NEURL1: variants seen among roughly 807,000 people sequenced by gnomAD.
NEURL1 encodes the protein neuralized E3 ubiquitin protein ligase 1, also known as E3 ubiquitin-protein ligase NEURL1.
A neutral mutation model predicts 41.2 loss-of-function variants in NEURL1; 26 were observed. The ratio of observed to expected loss-of-function variants is 0.63; its 90% CI spans 0.46 to 0.87. NEURL1 has a LOEUF of 0.87. NEURL1 is among the 40% of genes least tolerant of loss of function. The pLI is 0.00. For synonymous variants in NEURL1, 400 were observed against 402.3 expected (o/e 0.99, Z 0.07); for missense variants, 761 against 871.1 (o/e 0.87, Z 1.59).
At chr10:103,503,663 C>T (rs1487246335) in intron 1 of NEURL1, among the ~76,000 whole-genome samples, 1 of 152,084 alleles carries the variant, frequency 6.6e-6, no homozygotes, top group Non-Finnish European at 1.5e-5. Context: ...TGAGTGCTCA[C>T]CACTTCCAGC....
intron 1 of NEURL1, among the ~76,000 whole-genome samples, chr10:103,547,211 C>A (rs1394107561): frequency 6.6e-6 from 1 of 152,212 alleles, no homozygotes; most frequent in Non-Finnish European, 1.5e-5. Flanking sequence ...GACTCTGGAG[C>A]CTACTCTTAA....
chr10:103,578,095 G>A (rs759682788), intron 3 of NEURL1, among the ~76,000 whole-genome samples: 12 of 152,102 alleles, frequency 7.9e-5, no homozygotes, highest in Non-Finnish European at 1.8e-4. Context: ...AGATGCAGGA[G>A]ACCCACTGAA....
chr10:103,528,970 T>A (rs1196706496), intron 1 of NEURL1, among the ~76,000 whole-genome samples: 1 of 152,216 alleles, frequency 6.6e-6, no homozygotes, highest in African/African-American at 2.4e-5. Flanking sequence ...TTTCTCTTGT[T>A]TCTTCTGAGC....
At chr10:103,529,341 C>G (rs1390007365) in intron 1 of NEURL1, among the ~76,000 whole-genome samples, 1 of 152,128 alleles carries the variant, frequency 6.6e-6, no homozygotes, top group African/African-American at 2.4e-5. Context: ...CTGCAAATAC[C>G]TGTATGAGCT....
intron 3 of NEURL1, among the ~76,000 whole-genome samples, chr10:103,573,103 A>G (rs1248644790): frequency 6.6e-6 from 1 of 152,154 alleles, no homozygotes; most frequent in Non-Finnish European, 1.5e-5. Context: ...AATGAGTCAG[A>G]AGCCTGTTTG....
At chr10:103,574,132 C>T (rs2035607875) in intron 3 of NEURL1, among the ~76,000 whole-genome samples, 1 of 152,002 alleles carries the variant, frequency 6.6e-6, no homozygotes, top group African/African-American at 2.4e-5. Flanking sequence ...AGGGCAGATG[C>T]GTTGTTAGAT....
chr10:103,511,471 G>A (rs1273370449), intron 1 of NEURL1, among the ~76,000 whole-genome samples: 1 of 152,238 alleles, frequency 6.6e-6, no homozygotes, highest in Admixed American at 6.5e-5. Context: ...AAGGTAGGCA[G>A]GATAGAATGC....
rs1160134768 is a variant in NEURL1, at chr10:103,528,714, A to G, written c.85+34242A>G. Among the ~76,000 whole-genome samples the G allele has an allele frequency of 6.6e-5, 10 of 152,246 alleles. No homozygotes were observed. The East Asian group carries it at 1.9e-3, about 29-fold the overall frequency. On this transcript the variant is annotated intron_variant, in intron 1 of 5. Coordinates refer to ENST00000369780, the MANE Select transcript of NEURL1 (RefSeq NM_004210.5). ...GTACAACAGCAATATGTTTCACAACAGTAAATCAATATAAGTAAAAGCATT... is the reference window on the plus strand; with the variant it reads ...GTACAACAGCAATATGTTTCACAACGGTAAATCAATATAAGTAAAAGCATT...
intron 1 of NEURL1, among the ~76,000 whole-genome samples, chr10:103,551,333 C>T (rs1043708687): frequency 2.0e-4 from 27 of 134,006 alleles, no homozygotes; most frequent in Admixed American, 1.4e-3. Context: ...GATGGAGTCT[C>T]GCTCTGTCGC....
chr10:103,585,883 C>T (rs937986553), intron 4 of NEURL1, among the ~76,000 whole-genome samples: 4 of 151,106 alleles, frequency 2.6e-5, no homozygotes, highest in Non-Finnish European at 4.4e-5. Context: ...TTTTGAGTCT[C>T]GGTTACCATT....
chr10:103,563,969 T>C (rs1222342274), intron 1 of NEURL1, among the ~76,000 whole-genome samples: 1 of 152,202 alleles, frequency 6.6e-6, no homozygotes, highest in Non-Finnish European at 1.5e-5. Context: ...CTGTCATCAG[T>C]ATCAGTGCCT....
In NEURL1 at chr10:103,590,605, CCTGT is replaced by C. The variant is rs747253273; in HGVS notation, c.*236_*239del. 209 of 567,124 alleles carry C rather than the reference CCTGT, an allele frequency of 3.7e-4. 1 individual carries two copies. Among genetic ancestry groups the C allele is most frequent in the Non-Finnish European group, 4.8e-4 (153 of 316,484 alleles). 35.1% of individuals were successfully genotyped at this position (567,124 alleles called of 1,614,324 possible). A position where few individuals can be genotyped will look rare whatever the true frequency, so the allele number is the denominator to read the frequency against. On this transcript the variant is annotated 3_prime_UTR_variant, in exon 6 of 6. Coordinates refer to ENST00000369780, the MANE Select transcript of NEURL1 (RefSeq NM_004210.5). ...GGGGAGGAGAGGAGGCCGCACTCTC[CCTGT>C]CTCTCCCGTCTCTGCACCCAGCTCC...
chr10:103,494,141 C>G lies in NEURL1; in HGVS notation c.-247C>G, dbSNP rs1391001597. ...GGGCCCTGCTTGTGGCCCCCGCTCCCGCCACGGGGCATGGGAGGCAGGTAG... is the reference window on the plus strand; with the variant it reads ...GGGCCCTGCTTGTGGCCCCCGCTCCGGCCACGGGGCATGGGAGGCAGGTAG... On this transcript the variant is annotated 5_prime_UTR_variant, in exon 1 of 6. Coordinates refer to ENST00000369780, the MANE Select transcript of NEURL1 (RefSeq NM_004210.5). The G allele has an allele frequency of 4.8e-6, 2 of 420,210 alleles. No homozygotes were observed. The highest frequency in any genetic ancestry group is 8.4e-6 in the Non-Finnish European group (2 of 236,922). The allele number at this position is 420,210 out of a possible 1,614,324, so 26.0% of individuals were successfully genotyped here. A position where few individuals can be genotyped will look rare whatever the true frequency, so the allele number is the denominator to read the frequency against.
chr10:103,589,673 G>C lies in NEURL1; in HGVS notation c.1486+13G>C, dbSNP rs762495794. The stretch of plus-strand genomic sequence containing the variant: ...AGCTCTGCTGGTGGTAAGTAGGCTG[G>C]CTCCTCTGTTCCTTGGTGACCATGT... On this transcript the variant is annotated intron_variant, in intron 5 of 5. Coordinates refer to ENST00000369780, the MANE Select transcript of NEURL1 (RefSeq NM_004210.5). 4.4e-6 allele frequency: 7 copies of C among 1,603,182 alleles called. No individual in the cohort carries two copies. Among genetic ancestry groups the C allele is most frequent in the Non-Finnish European group, 5.1e-6 (6 of 1,173,476 alleles).
chr10:103,499,985 C>T (rs1193044418), intron 1 of NEURL1, among the ~76,000 whole-genome samples: 2 of 152,182 alleles, frequency 1.3e-5, no homozygotes, highest in Non-Finnish European at 2.9e-5. Flanking sequence ...ACAGATCTTC[C>T]CTCAGCTCTT....
intron 1 of NEURL1, among the ~76,000 whole-genome samples, chr10:103,561,624 A>G (rs575599308): frequency 6.6e-6 from 1 of 152,332 alleles, no homozygotes; most frequent in East Asian, 1.9e-4. Flanking sequence ...CTTAAGGGGA[A>G]GGGGTCACAC....
rs540212785 is a variant in NEURL1 at position 103,512,974 on chromosome 10, G to A, written c.85+18502G>A. Among the ~76,000 whole-genome samples, 8 of 151,986 alleles carry A rather than the reference G, an allele frequency of 5.3e-5. No homozygotes were observed. In the East Asian group the frequency reaches 9.7e-4, roughly 18 times the overall value. ...TCTCTGGCTGCCTCACTCCTTCCCC[G>A]TCTTTCTCTCTCCCTCTACCTTCTC... On this transcript the variant is annotated intron_variant, in intron 1 of 5. Transcript: ENST00000369780.
At chr10:103,513,926 G>A (rs1437507169) in intron 1 of NEURL1, among the ~76,000 whole-genome samples, 1 of 151,800 alleles carries the variant, frequency 6.6e-6, no homozygotes, top group East Asian at 1.9e-4. Flanking sequence ...GAGAGGGAGA[G>A]GTGTCCAAGA....
chr10:103,587,411 A>C (rs993203544), intron 4 of NEURL1, among the ~76,000 whole-genome samples: 6 of 152,224 alleles, frequency 3.9e-5, no homozygotes, highest in African/African-American at 1.4e-4. Flanking sequence ...GTGGGTGTTG[A>C]AGAAGAACCA....
Sources: gnomAD v4.1 joint callset for allele counts (sites outside exome capture counted in the v4.1 genomes callset) on GRCh38, gnomAD v4.1.1 for gene constraint, MANE v1.5 for transcripts, NCBI Gene and HGNC (gene_info 2026-07-23, HGNC 2026-07-21) for gene names.